Variants in EPM2A observed in about 807,000 individuals in gnomAD.
EPM2A encodes laforin.
EPM2A carries 21 observed loss-of-function variants against 26.5 expected under a neutral mutation model. The ratio of observed to expected loss-of-function variants is 0.79; its 90% CI spans 0.56 to 1.14. The LOEUF (loss-of-function observed/expected upper bound fraction) is 1.14, where lower values mean the gene tolerates loss of function less well. EPM2A is among the 50% of genes most tolerant of loss of function. The pLI is 0.00. For missense variants in EPM2A, 458 were observed against 440.8 expected, an observed-to-expected ratio of 1.04 and a Z score of -0.35; for synonymous variants, 217 against 177.6, an observed-to-expected ratio of 1.22 and a Z score of -1.76.
chr6:145,451,259 G>A (rs1446761052), intron 4 of EPM2A, among the ~76,000 whole-genome samples: 3 of 152,160 alleles, frequency 2.0e-5, no homozygotes, highest in African/African-American at 7.2e-5. Context: ...ACATGGGAAG[G>A]AAAGGTCTGT....
In EPM2A at chr6:145,626,115, T is replaced by G; in HGVS notation, c.*1301A>C. 1 of 1,031,642 alleles carries G rather than the reference T, an allele frequency of 9.7e-7. No individual in the cohort carries two copies. The highest frequency in any genetic ancestry group is 1.2e-6 in the Non-Finnish European group (1 of 858,936). 63.9% of individuals were successfully genotyped at this position (1,031,642 alleles called of 1,614,324 possible). A position where few individuals can be genotyped will look rare whatever the true frequency, so the allele number is the denominator to read the frequency against. Reference sequence around the variant, plus strand: ...TATATATCACCTTGCACATAGAGGCTCTCAATTAAAAAAACACTTCTCTTT... The same window carrying G: ...TATATATCACCTTGCACATAGAGGCGCTCAATTAAAAAAACACTTCTCTTT... On this transcript the variant is annotated 3_prime_UTR_variant, in exon 4 of 4. Coordinates refer to ENST00000367519, the MANE Select transcript of EPM2A (RefSeq NM_005670.4).
At chr6:145,449,401 A>G (rs983784570) in intron 4 of EPM2A, among the ~76,000 whole-genome samples, 1 of 152,212 alleles carries the variant, frequency 6.6e-6, no homozygotes, top group Admixed American at 6.5e-5. Context: ...TTTACACAGA[A>G]AAGTTATTTA....
chr6:145,423,367 C>G (rs1333125416), intron 4 of EPM2A, among the ~76,000 whole-genome samples: 1 of 152,034 alleles, frequency 6.6e-6, no homozygotes, highest in African/African-American at 2.4e-5. Flanking sequence ...CAGATTTTGA[C>G]AAGAGGGAAA....
At chr6:145,468,551 A>G (rs546451242) in intron 4 of EPM2A, among the ~76,000 whole-genome samples, 1 of 152,248 alleles carries the variant, frequency 6.6e-6, no homozygotes, top group Admixed American at 6.6e-5. Flanking sequence ...ACCACATTCA[A>G]ATTCAGAATG....
intron 2 of EPM2A, among the ~76,000 whole-genome samples, chr6:145,645,876 C>T (rs1259651739): frequency 1.3e-5 from 2 of 152,068 alleles, no homozygotes; most frequent in South Asian, 2.1e-4. Context: ...TTATAATAGG[C>T]GTGAGCCACT....
intron 2 of EPM2A, among the ~76,000 whole-genome samples, chr6:145,583,662 T>C (rs899237518): frequency 6.6e-6 from 1 of 152,186 alleles, no homozygotes; most frequent in African/African-American, 2.4e-5. Flanking sequence ...ACAGCAGCCA[T>C]GGTGGCAAAG....
At chr6:145,654,606 T>G (rs1417618067) in intron 2 of EPM2A, among the ~76,000 whole-genome samples, 4 of 152,236 alleles carry the variant, frequency 2.6e-5, no homozygotes, top group Non-Finnish European at 5.9e-5. Flanking sequence ...TCAAGTTCAT[T>G]ATACCTGATC....
At position 145,489,896 on chromosome 6, in the gene EPM2A, T is replaced by C. The variant is rs1582794622; in HGVS notation, c.555+12626A>G. On this transcript the variant is annotated intron_variant, in intron 4 of 4. Coordinates refer to the EPM2A transcript ENST00000638717. Reference sequence around the variant, plus strand: ...TGAAGCTTCTCTACGTGTACTTCAGTACCTTCTTCAGTCTGAATTCGACCC... The same window carrying C: ...TGAAGCTTCTCTACGTGTACTTCAGCACCTTCTTCAGTCTGAATTCGACCC... 9.6e-6 allele frequency: 13 copies of C among 1,357,914 alleles called. No homozygotes were observed. In the East Asian group the frequency reaches 2.3e-4, roughly 24 times the overall value. 84.1% of individuals were successfully genotyped at this position (1,357,914 alleles called of 1,614,324 possible).
chr6:145,485,776 C>T (rs999250891), intron 4 of EPM2A, among the ~76,000 whole-genome samples: 3 of 152,176 alleles, frequency 2.0e-5, no homozygotes, highest in Non-Finnish European at 4.4e-5. Context: ...TTAATGGATT[C>T]ACAGTTCCAT....
chr6:145,516,729 T>G (rs936338936), intron 2 of EPM2A, among the ~76,000 whole-genome samples: 1 of 152,134 alleles, frequency 6.6e-6, no homozygotes, highest in Non-Finnish European at 1.5e-5. Context: ...GAACCTCAAA[T>G]AGCTTTGATC....
In EPM2A at chr6:145,504,299, G is replaced by C. The variant is rs982074768; in HGVS notation, c.341-1724C>G. 9.3e-5 allele frequency among the ~76,000 whole-genome samples: 10 copies of C among 107,662 alleles called. 1 individual carries two copies. Among genetic ancestry groups the C allele is most frequent in the Non-Finnish European group, 1.4e-4 (7 of 49,948 alleles). 70.6% of individuals were successfully genotyped at this position (107,662 alleles called of 152,430 possible). Reference sequence around the variant, plus strand: ...TAGCAAAAGAAACTACCATCAGAGTGAACAGGCAACCTACAACATGGGAGA... The same window carrying C: ...TAGCAAAAGAAACTACCATCAGAGTCAACAGGCAACCTACAACATGGGAGA... On this transcript the variant is annotated intron_variant, in intron 2 of 3. Transcript: ENST00000450221.
At chr6:145,687,415 T>G (rs1442722717) in intron 1 of EPM2A, among the ~76,000 whole-genome samples, 1 of 152,074 alleles carries the variant, frequency 6.6e-6, no homozygotes, top group African/African-American at 2.4e-5. Flanking sequence ...ATATGGTGTT[T>G]TGTTTATAGC....
At chr6:145,568,423 G>A (rs1273153672) in intron 2 of EPM2A, among the ~76,000 whole-genome samples, 16 of 151,580 alleles carry the variant, frequency 1.1e-4, no homozygotes, top group African/African-American at 3.9e-4. Flanking sequence ...GGGTTCCAGC[G>A]ATTCTCCTCC....
chr6:145,587,058 C>A (rs1381276405), intron 2 of EPM2A, among the ~76,000 whole-genome samples: 1 of 152,128 alleles, frequency 6.6e-6, no homozygotes, highest in African/African-American at 2.4e-5. Flanking sequence ...AACTCTTATC[C>A]TCTTGAAATA....
chr6:145,666,805 C>T, intron 2 of EPM2A, among the ~76,000 whole-genome samples: 1 of 150,882 alleles, frequency 6.6e-6, no homozygotes, highest in East Asian at 1.9e-4. Context: ...GGTACTGGTA[C>T]CAAAACAGAG....
At chr6:145,694,906 G>A (rs1048966446) in intron 1 of EPM2A, among the ~76,000 whole-genome samples, 1 of 151,910 alleles carries the variant, frequency 6.6e-6, no homozygotes, top group African/African-American at 2.4e-5. Flanking sequence ...CCTGTCTTAT[G>A]GGAATTATTA....
At chr6:145,432,521 T>G (rs1320669815) in intron 4 of EPM2A, among the ~76,000 whole-genome samples, 1 of 148,252 alleles carries the variant, frequency 6.7e-6, no homozygotes, top group East Asian at 2.0e-4. Context: ...TTCTGAACAG[T>G]AGTCTCAGCA....
At chr6:145,467,622 G>T (rs1019652877) in intron 4 of EPM2A, among the ~76,000 whole-genome samples, 6 of 152,028 alleles carry the variant, frequency 3.9e-5, no homozygotes, top group African/African-American at 1.4e-4. Context: ...ACATGTCAAG[G>T]TTCACAAAGA....
chr6:145,643,845 A>G (rs1777262673), intron 2 of EPM2A, among the ~76,000 whole-genome samples: 1 of 44,478 alleles, frequency 2.2e-5, no homozygotes, highest in East Asian at 4.6e-4. Flanking sequence ...AATTTTCTGA[A>G]AAAAAAAAAT....
Sources: allele counts gnomAD v4.1 joint callset (sites outside exome capture counted in the v4.1 genomes callset), GRCh38; gene constraint gnomAD v4.1.1; transcripts MANE v1.5; gene names NCBI Gene and HGNC (gene_info 2026-07-23, HGNC 2026-07-21).